PDE11A: variants seen among roughly 807,000 people sequenced by gnomAD.
PDE11A encodes the protein phosphodiesterase 11A.
A neutral mutation model predicts 100.5 loss-of-function variants in PDE11A; 100 were observed. That is an observed-to-expected ratio of 1.00 (90% CI 0.85 to 1.18). PDE11A has a LOEUF of 1.18. Among genes scored for constraint, PDE11A ranks in the 50% most tolerant of loss-of-function variants. PDE11A has a pLI of 0.00. For synonymous variants in PDE11A, 381 were observed against 420.8 expected (o/e 0.91, Z 1.16); for missense variants, 1,141 against 1,152.6 (o/e 0.99, Z 0.15).
intron 4 of PDE11A, among the ~76,000 whole-genome samples, chr2:177,880,190 C>A (rs758529122): frequency 1.3e-5 from 2 of 152,142 alleles, no homozygotes; most frequent in African/African-American, 2.4e-5. Context: ...AATCTCTAAA[C>A]CCTTGTAATG....
intron 5 of PDE11A, among the ~76,000 whole-genome samples, chr2:177,871,206 G>C (rs1310192728): frequency 6.6e-6 from 1 of 152,152 alleles, no homozygotes; most frequent in East Asian, 1.9e-4. Context: ...AAAGGTTTAG[G>C]AATTAAAAGG....
chr2:177,851,501 G>A (rs896601029), intron 5 of PDE11A, among the ~76,000 whole-genome samples: 19 of 152,182 alleles, frequency 1.2e-4, no homozygotes, highest in South Asian at 4.2e-4. Context: ...AAACCTGCAC[G>A]TTGTGCACAT....
At chr2:177,814,078 T>C (rs2082995641) in intron 9 of PDE11A, among the ~76,000 whole-genome samples, 1 of 152,258 alleles carries the variant, frequency 6.6e-6, no homozygotes, top group Non-Finnish European at 1.5e-5. Flanking sequence ...AAGGGTAACA[T>C]GGCATTTGGC....
chr2:177,633,102 T>C (rs1191002178), intron 19 of PDE11A, among the ~76,000 whole-genome samples: 1 of 152,266 alleles, frequency 6.6e-6, no homozygotes, highest in East Asian at 1.9e-4. Context: ...CTTTATGCTT[T>C]GGGTTAGTTA....
At chr2:177,722,278 A>G (rs1450379158) in intron 12 of PDE11A, among the ~76,000 whole-genome samples, 2 of 152,184 alleles carry the variant, frequency 1.3e-5, no homozygotes, top group Admixed American at 6.6e-5. Flanking sequence ...TACAATTTAC[A>G]TGTCCTAAGA....
chr2:178,063,522 C>T (rs992445762), intron 1 of PDE11A, among the ~76,000 whole-genome samples: 1 of 152,152 alleles, frequency 6.6e-6, no homozygotes, highest in Admixed American at 6.5e-5. Context: ...GGCACAGAAC[C>T]TTTACTAGGG....
In PDE11A at chr2:177,898,152, A is replaced by C; in HGVS notation, c.1208T>G (p.Leu403Arg). 1 of 1,609,544 alleles carries C rather than the reference A, an allele frequency of 6.2e-7. No homozygotes were observed. Among genetic ancestry groups the C allele is most frequent in the Non-Finnish European group, 8.5e-7 (1 of 1,175,762 alleles). The change falls in exon 4 of 20, where the codon CTG (leucine) becomes CGG (arginine). Residue 403 changes from leucine (L) to arginine (R), a missense_variant. By Grantham distance (102) the Leu-to-Arg change is moderately radical. Transcript: ENST00000286063. Reference protein sequence around the residue: ...VNDLFEEQTDLEKIVKKIMHR... With the variant: ...VNDLFEEQTDREKIVKKIMHR... ...CATTATTTTCTTGACAATTTTCTCC[A>C]GGTCAGTCTGTTCTTCAAAGAGGTC...
chr2:177,691,310 T>C (rs2081037790), intron 15 of PDE11A, among the ~76,000 whole-genome samples: 2 of 152,190 alleles, frequency 1.3e-5, no homozygotes, highest in South Asian at 4.1e-4. Context: ...AAGCCTCTAA[T>C]TGCAGTCTTA....
chr2:177,989,161 T>C (rs532045482), intron 2 of PDE11A, among the ~76,000 whole-genome samples: 11 of 152,214 alleles, frequency 7.2e-5, no homozygotes, highest in Non-Finnish European at 1.6e-4. Context: ...TCTAAAGCAA[T>C]TGATAGTTTT....
chr2:178,041,120 A>G (rs2086677853), intron 1 of PDE11A, among the ~76,000 whole-genome samples: 1 of 151,892 alleles, frequency 6.6e-6, no homozygotes, highest in Admixed American at 6.6e-5. Flanking sequence ...TTTGAGTTTT[A>G]GTAGATACGA....
At chr2:177,957,760 G>A (rs1480748955) in intron 2 of PDE11A, among the ~76,000 whole-genome samples, 1 of 151,910 alleles carries the variant, frequency 6.6e-6, no homozygotes, top group African/African-American at 2.4e-5. Context: ...AAAGTAATAA[G>A]AATAATAAAC....
At chr2:177,812,195 T>C (rs537325016) in intron 9 of PDE11A, among the ~76,000 whole-genome samples, 44 of 152,250 alleles carry the variant, frequency 2.9e-4, no homozygotes, top group South Asian at 8.3e-4. Flanking sequence ...TGTAGGTACA[T>C]AGTAGGTATA....
intron 10 of PDE11A, among the ~76,000 whole-genome samples, chr2:177,756,279 G>A (rs1054741099): frequency 2.6e-5 from 4 of 152,056 alleles, no homozygotes; most frequent in Admixed American, 2.0e-4. Flanking sequence ...TCAGAGAACC[G>A]GAGTAAAGCT....
At chr2:177,861,216 T>C (rs759134578) in intron 5 of PDE11A, among the ~76,000 whole-genome samples, 11 of 151,714 alleles carry the variant, frequency 7.3e-5, no homozygotes, top group Admixed American at 2.0e-4. Context: ...AAAACTATTA[T>C]AATAAACAAG....
intron 6 of PDE11A, among the ~76,000 whole-genome samples, chr2:177,828,932 G>A (rs1251974000): frequency 6.6e-6 from 1 of 151,928 alleles, no homozygotes; most frequent in African/African-American, 2.4e-5. Flanking sequence ...AGAGTATAGA[G>A]GGGCAAAGTG....
At chr2:177,646,347 C>G (rs1354874393) in intron 19 of PDE11A, among the ~76,000 whole-genome samples, 1 of 152,214 alleles carries the variant, frequency 6.6e-6, no homozygotes, top group Non-Finnish European at 1.5e-5. Flanking sequence ...TAAAGCACAT[C>G]TTGCTAACAT....
intron 5 of PDE11A, among the ~76,000 whole-genome samples, chr2:177,867,697 G>A (rs141698730): frequency 2.6e-5 from 4 of 152,184 alleles, no homozygotes; most frequent in African/African-American, 9.7e-5. Context: ...CTGCACTCCA[G>A]CCTGGGTGAC....
chr2:177,997,838 C>G, intron 2 of PDE11A: 1 of 1,359,392 alleles, frequency 7.4e-7, no homozygotes, highest in African/African-American at 1.4e-5. Context: ...AATAACTTAT[C>G]AAATAGTTTC....
chr2:177,830,620 A>C (rs1466202202), intron 6 of PDE11A, among the ~76,000 whole-genome samples: 2 of 144,004 alleles, frequency 1.4e-5, no homozygotes, highest in Non-Finnish European at 3.0e-5. Context: ...TAATAATAAT[A>C]ATAATAATAA....
Sources: gnomAD v4.1 joint callset for allele counts (sites outside exome capture counted in the v4.1 genomes callset) on GRCh38, gnomAD v4.1.1 for gene constraint, MANE v1.5 for transcripts, NCBI Gene and HGNC (gene_info 2026-07-23, HGNC 2026-07-21) for gene names.